The following CASP1 variants were observed in gnomAD, a reference collection of about 807,000 sequenced individuals.
CASP1 encodes caspase 1.
In CASP1, 31 loss-of-function variants were observed where a neutral mutation model predicts 41.2. The ratio of observed to expected loss-of-function variants is 0.75; its 90% confidence interval spans 0.57 to 1.02. The LOEUF (loss-of-function observed/expected upper bound fraction) is 1.02. Among genes scored for constraint, CASP1 ranks in the 50% least tolerant of loss-of-function variants. The pLI, the probability that CASP1 is intolerant of heterozygous loss-of-function variation, is 0.00. For synonymous variants in CASP1, 163 were observed against 166.5 expected, an observed-to-expected ratio of 0.98 and a Z score of 0.16; for missense variants, 490 against 495.7, an observed-to-expected ratio of 0.99 and a Z score of 0.11.
intron 1 of CASP1, chr11:105,034,728 T>C (rs1167715474): frequency 1.6e-6 from 1 of 643,606 alleles, no homozygotes; most frequent in African/African-American, 1.8e-5. Flanking sequence ...CATCCTCTTA[T>C]GTCGCATGTT....
chr11:105,029,943 A>T (rs1863577021), intron 5 of CASP1, 44 bp from the exon 6 acceptor site: 1 of 1,328,080 alleles, frequency 7.5e-7, no homozygotes, highest in Admixed American at 1.7e-5. Context: ...GTAATTAACT[A>T]TCATGGTACC....
In CASP1 at chr11:105,030,407, C is replaced by A. The variant is rs1220433320; in HGVS notation, c.550G>T (p.Val184Phe). 1 of 1,613,646 alleles carries A rather than the reference C, an allele frequency of 6.2e-7. No individual in the cohort carries two copies. Among genetic ancestry groups the A allele is most frequent in the East Asian group, 2.2e-5 (1 of 44,872 alleles). Residue 184 changes from valine to phenylalanine, a missense_variant, in exon 5 of 9, where the codon GTT becomes TTT. Val to Phe is a conservative substitution (Grantham distance 50). Transcript: ENST00000533400. ...DSIPRRTGAE[V>F]DITGMTMLLQ... is the part of the protein sequence containing the mutation. ...AGCATTGTCATGCCTGTGATGTCAA[C>A]CTCAGCTCCAGTTCTTCTAGGAATA...
chr11:105,030,961 T>C (rs1485750981), intron 4 of CASP1: 1 of 520,678 alleles, frequency 1.9e-6, no homozygotes, highest in African/African-American at 1.9e-5. Context: ...ACTGATGTTA[T>C]TTACCCCGGA....
At chr11:105,033,999 A>T in intron 2 of CASP1, 1 of 869,288 alleles carries the variant, frequency 1.2e-6, no homozygotes, top group Non-Finnish European at 1.9e-6. Context: ...ACAGGAAATG[A>T]GCTTTAATCA....
chr11:105,029,527 G>A, intron 6 of CASP1, 138 bp downstream of exon 6: 1 of 669,484 alleles, frequency 1.5e-6, no homozygotes, highest in South Asian at 2.0e-5. Context: ...TCAATTCACA[G>A]AAGCTGCATT....
chr11:105,034,239 A>T lies in CASP1; in HGVS notation c.243T>A (p.Ser81Arg). ...ICITYICEED[S>R]YLAGTLGLSA... ...AGAGTCCCAGCGTCCCTGCCAGGTA[A>T]CTGTCTTCTTCACAAATGTATGTGA... Residue 81 changes from serine to arginine, a missense_variant, in exon 2 of 9, where the codon AGT becomes AGA. Transcript: ENST00000533400. The T allele has an allele frequency of 1.2e-6, 2 of 1,614,066 alleles. No homozygotes were observed. The highest frequency in any genetic ancestry group is 1.7e-6 in the Non-Finnish European group (2 of 1,179,956).
chr11:105,025,569 CA>C lies in CASP1; in HGVS notation c.*688del. On this transcript the variant is annotated 3_prime_UTR_variant, in exon 9 of 9. Coordinates refer to ENST00000533400, the MANE Select transcript of CASP1 (RefSeq NM_001257118.3). ...GTTTATTATTCAGCAGACATAATTC[CA>C]AAAACCTTTACAGAAGGATCTCTTC... The C allele has an allele frequency of 4.8e-6, 2 of 419,614 alleles. No homozygotes were observed. Among genetic ancestry groups the C allele is most frequent in the East Asian group, 7.3e-5 (1 of 13,774 alleles). The allele number at this position is 419,614 out of a possible 1,614,324, so 26.0% of individuals were successfully genotyped here.
In CASP1 at chr11:105,034,982, C is replaced by T. The variant is rs7925706; in HGVS notation, c.7+125G>A. On this transcript the variant is annotated intron_variant, in intron 1 of 8. Coordinates refer to ENST00000533400, the MANE Select transcript of CASP1 (RefSeq NM_001257118.3). The stretch of plus-strand genomic sequence containing the variant: ...TCTAGTTCCTTCTCTCCTCCCTCTC[C>T]CCCCTTTTCCTTGCTTCTACTCAAG... The T allele has an allele frequency of 0.015, 18,056 of 1,234,086 alleles. 1,450 individuals carry two copies. The African/African-American group carries it at 0.2, about 14-fold the overall frequency. The allele number at this position is 1,234,086 out of a possible 1,614,324, so 76.4% of individuals were successfully genotyped here. A position where few individuals can be genotyped will look rare whatever the true frequency, so the allele number is the denominator to read the frequency against.
rs1241611257 is a variant in CASP1, at chr11:105,034,379, G to A, written c.103C>T (p.Leu35=). 7.4e-6 allele frequency: 12 copies of A among 1,613,984 alleles called. No homozygotes were observed. In the East Asian group the frequency reaches 1.1e-4, roughly 15 times the overall value. The change falls in exon 2 of 9, where the codon CTG becomes TTG. Residue 35 remains leucine (L), a synonymous_variant. Transcript: ENST00000533400. ...LLDELLQTRV[L]NKEEMEKVKR... Reference sequence around the variant, plus strand: ...ACTTTCTCCATCTCTTCCTTGTTCAGCACCCTTGTCTGTAATAATTCATCC... The same window carrying A: ...ACTTTCTCCATCTCTTCCTTGTTCAACACCCTTGTCTGTAATAATTCATCC...
chr11:105,031,760 G>A (rs1313163679), intron 3 of CASP1, among the ~76,000 whole-genome samples: 2 of 151,942 alleles, frequency 1.3e-5, no homozygotes, highest in South Asian at 2.1e-4. Flanking sequence ...TAAGCACTAG[G>A]AATATTTTTT....
intron 2 of CASP1, among the ~76,000 whole-genome samples, chr11:105,033,474 C>T (rs529730561): frequency 4.6e-5 from 7 of 152,288 alleles, no homozygotes; most frequent in Admixed American, 3.9e-4. Context: ...ACATCAATGA[C>T]TGGGAATCCA....
intron 4 of CASP1, 77 bp downstream of exon 4, chr11:105,031,088 G>A (rs1863662955): frequency 3.7e-6 from 3 of 811,812 alleles, no homozygotes; most frequent in Non-Finnish European, 6.5e-6. Context: ...TTGGCTCTAA[G>A]AATAAGCCAC....
At chr11:105,031,112 TG>T (rs761608796) in intron 4 of CASP1, 52 bp downstream of exon 4, 1 of 1,004,808 alleles carries the variant, frequency 1.0e-6, no homozygotes, top group East Asian at 2.4e-5. Context: ...ATTTCAGAAC[TG>T]CCTGAAGTGT....
At chr11:105,031,055 T>C in intron 4 of CASP1, 110 bp downstream of exon 4, 1 of 668,518 alleles carries the variant, frequency 1.5e-6, no homozygotes. Context: ...AGAAGTATGA[T>C]TCTCCAGAAC....
At chr11:105,035,214 A>G (rs953779444), upstream of CASP1, 14 of 1,394,928 alleles carry the variant, frequency 1.0e-5, no homozygotes, top group Non-Finnish European at 1.2e-5. Context: ...CTCACTGTGC[A>G]TGCATATGCA....
chr11:105,031,006 G>A (rs577551935), intron 4 of CASP1, 159 bp downstream of exon 4: 2 of 578,912 alleles, frequency 3.5e-6, no homozygotes, highest in South Asian at 2.1e-5. Context: ...CTATAAACCT[G>A]GGATTCTAGG....
At position 105,031,247 on chromosome 11, in the gene CASP1, G is replaced by A. The variant is rs143095678; in HGVS notation, c.371C>T (p.Pro124Leu). 13 of 1,612,266 alleles carry A rather than the reference G, an allele frequency of 8.1e-6. No homozygotes were observed. Among genetic ancestry groups the A allele is most frequent in the Non-Finnish European group, 1.0e-5 (12 of 1,178,636 alleles). ...PQAVQDNPAMPTSSGSEGNVK... is the reference protein window; with the variant it reads ...PQAVQDNPAMLTSSGSEGNVK... Reference sequence around the variant, plus strand: ...ATTCCCTTCTGAGCCTGAGGATGTGGGCATAGCTGGGTTGTCCTGCACTGC... The same window carrying A: ...ATTCCCTTCTGAGCCTGAGGATGTGAGCATAGCTGGGTTGTCCTGCACTGC... The change falls in exon 4 of 9, where the codon CCC (proline) becomes CTC (leucine). Residue 124 changes from proline to leucine, a missense_variant. By Grantham distance (98) the Pro-to-Leu change is moderately conservative (BLOSUM62 -3). Transcript: ENST00000533400.
chr11:105,033,059 A>G lies in CASP1; in HGVS notation c.337+5T>C. 2.6e-6 allele frequency: 4 copies of G among 1,549,300 alleles called. No individual in the cohort carries two copies. Among genetic ancestry groups the G allele is most frequent in the Non-Finnish European group, 3.6e-6 (4 of 1,123,222 alleles). The stretch of plus-strand genomic sequence containing the variant: ...AGAATGCTCTTCCTTTAAAAACAGC[A>G]TTACCTGGAAAGGAAGAAAGTACTC... On this transcript the variant is annotated splice_donor_5th_base_variant and intron_variant, in intron 3 of 8. Coordinates refer to ENST00000533400, the MANE Select transcript of CASP1 (RefSeq NM_001257118.3).
chr11:105,026,322 G>A lies in CASP1; in HGVS notation c.1151C>T (p.Ala384Val), dbSNP rs145344531. The change falls in exon 9 of 9, where the codon GCG becomes GTG. Residue 384 changes from alanine to valine, a missense_variant. Physicochemically the swap from Ala to Val is moderately conservative, Grantham distance 64. Transcript: ENST00000533400. ...RFSFEQPDGR[A>V]QMPTTERVTL... ...CACTCTTTCAGTGGTGGGCATCTGC[G>A]CTCTACCATCTGGCTGCTCAAATGA... is the stretch of plus-strand genomic sequence containing the variant. 3.1e-4 allele frequency: 501 copies of A among 1,611,214 alleles called. No homozygotes were observed. Among genetic ancestry groups the A allele is most frequent in the Non-Finnish European group, 3.8e-4 (449 of 1,178,166 alleles).
Sources: gnomAD v4.1 joint callset for allele counts (sites outside exome capture counted in the v4.1 genomes callset) on GRCh38, gnomAD v4.1.1 for gene constraint, MANE v1.5 for transcripts, NCBI Gene and HGNC (gene_info 2026-07-23, HGNC 2026-07-21) for gene names.